Variants in LINGO2 observed in about 807,000 individuals in gnomAD.
The protein encoded by LINGO2 is leucine-rich repeat and immunoglobulin-like domain-containing nogo receptor-interacting protein 2.
In LINGO2, 14 loss-of-function variants were observed where a neutral mutation model predicts 30.6. The observed-to-expected ratio is 0.46, with a 90% CI of 0.30 to 0.72. LINGO2 has a LOEUF of 0.72. LINGO2 is among the 30% of genes least tolerant of loss of function. The probability of loss-of-function intolerance (pLI) is 0.07; values close to 1 mark genes in which losing one functional copy is unlikely to be tolerated. For synonymous variants in LINGO2, 317 were observed against 288.5 expected (o/e 1.10, Z -1.00); for missense variants, 729 against 751.7 (o/e 0.97, Z 0.35).
the LINGO2 span, among the ~76,000 whole-genome samples, chr9:28,976,881 A>T: frequency 2.0e-5 from 3 of 152,146 alleles, no homozygotes; most frequent in Non-Finnish European, 4.4e-5. Flanking sequence ...CAGAATATAA[A>T]AATATCTGGT....
exon 6 of LINGO2, chr9:27,949,751 G>A (rs1323256513): frequency 1.2e-6 from 2 of 1,614,152 alleles, no homozygotes; most frequent in Non-Finnish European, 1.7e-6. Context: ...TGCGAAGCTG[G>A]GCCCCCACTA....
the LINGO2 span, among the ~76,000 whole-genome samples, chr9:29,204,607 T>A: frequency 2.8e-4 from 42 of 152,322 alleles, no homozygotes; most frequent in African/African-American, 9.6e-4. Context: ...TATTGGAGAT[T>A]TTCTCATGAT....
chr9:28,848,072 A>ATACTATATATATAC, the LINGO2 span, among the ~76,000 whole-genome samples: 1 of 47,902 alleles, frequency 2.1e-5, no homozygotes, highest in Non-Finnish European at 3.6e-5. Context: ...TGTATATAAT[A>ATACTATATATATAC]TATATATACA....
chr9:28,742,778 C>A, the LINGO2 span, among the ~76,000 whole-genome samples: 1 of 151,688 alleles, frequency 6.6e-6, no homozygotes, highest in Admixed American at 6.6e-5. Flanking sequence ...TTAGTTTATA[C>A]CTGTGGATTT....
At chr9:28,383,177 T>A (rs1821421640) in intron 2 of LINGO2, among the ~76,000 whole-genome samples, 1 of 151,884 alleles carries the variant, frequency 6.6e-6, no homozygotes, top group Non-Finnish European at 1.5e-5. Flanking sequence ...CCTCCATGGG[T>A]GACTTCTGCC....
the LINGO2 span, among the ~76,000 whole-genome samples, chr9:28,820,438 A>G: frequency 3.3e-5 from 5 of 152,202 alleles, no homozygotes; most frequent in Non-Finnish European, 1.5e-5. Flanking sequence ...TGCAAGCAGT[A>G]TAACAGCTTT....
chr9:28,020,377 A>C (rs749720032), intron 4 of LINGO2, among the ~76,000 whole-genome samples: 1 of 152,060 alleles, frequency 6.6e-6, no homozygotes, highest in African/African-American at 2.4e-5. Context: ...AACAATACAA[A>C]AACTAGCCAG....
the LINGO2 span, among the ~76,000 whole-genome samples, chr9:29,071,753 C>T: frequency 6.6e-6 from 1 of 151,758 alleles, no homozygotes; most frequent in South Asian, 2.1e-4. Context: ...CAGTGCTTTC[C>T]ATAACACTAG....
intron 5 of LINGO2, among the ~76,000 whole-genome samples, chr9:27,990,470 C>A (rs74306512): frequency 2.0e-5 from 3 of 146,832 alleles, no homozygotes; most frequent in African/African-American, 7.4e-5. Context: ...ATACCCCCCC[C>A]CCTTTTATTT....
At chr9:28,333,127 A>C (rs1236534271) in intron 3 of LINGO2, among the ~76,000 whole-genome samples, 1 of 152,224 alleles carries the variant, frequency 6.6e-6, no homozygotes, top group African/African-American at 2.4e-5. Context: ...TCACACTAGA[A>C]GCTTTCTAAC....
intron 1 of LINGO2, among the ~76,000 whole-genome samples, chr9:28,552,983 T>C (rs1822390804): frequency 6.6e-6 from 1 of 152,034 alleles, no homozygotes; most frequent in Non-Finnish European, 1.5e-5. Context: ...TTTCTTTTGG[T>C]GAAAACTTTT....
intron 4 of LINGO2, among the ~76,000 whole-genome samples, chr9:28,245,144 G>C (rs1338027587): frequency 1.3e-5 from 2 of 152,154 alleles, no homozygotes; most frequent in African/African-American, 4.8e-5. Context: ...TGCAAGACTG[G>C]TTCAACATAA....
the LINGO2 span, among the ~76,000 whole-genome samples, chr9:29,063,592 G>A: frequency 4.0e-5 from 6 of 151,754 alleles, no homozygotes; most frequent in Non-Finnish European, 8.8e-5. Context: ...AGAGATGGGG[G>A]TTTCACCATA....
At chr9:28,988,534 C>A in the LINGO2 span, among the ~76,000 whole-genome samples, 1 of 152,112 alleles carries the variant, frequency 6.6e-6, no homozygotes, top group Non-Finnish European at 1.5e-5. Flanking sequence ...ACACTCACAG[C>A]AATTACTGAT....
the LINGO2 span, among the ~76,000 whole-genome samples, chr9:29,066,166 A>C: frequency 2.0e-5 from 3 of 151,878 alleles, no homozygotes; most frequent in Non-Finnish European, 4.4e-5. Context: ...TTGGATTGCT[A>C]TATTTCTTAA....
the LINGO2 span, among the ~76,000 whole-genome samples, chr9:29,140,486 TA>T: frequency 6.6e-6 from 1 of 151,712 alleles, no homozygotes; most frequent in Non-Finnish European, 1.5e-5. Flanking sequence ...TGAAGTTATT[TA>T]AAGGAGCAAA....
the LINGO2 span, among the ~76,000 whole-genome samples, chr9:29,152,431 T>C: frequency 6.6e-6 from 1 of 152,186 alleles, no homozygotes; most frequent in Non-Finnish European, 1.5e-5. Flanking sequence ...AACAGTGGAC[T>C]GCATAAGGAA....
chr9:28,620,464 C>A (rs1474242634), intron 1 of LINGO2, among the ~76,000 whole-genome samples: 1 of 152,014 alleles, frequency 6.6e-6, no homozygotes, highest in Non-Finnish European at 1.5e-5. Context: ...AGATCTAATA[C>A]ATAAGACACA....
chr9:28,494,052 T>C (rs1819485431), intron 1 of LINGO2, among the ~76,000 whole-genome samples: 1 of 152,158 alleles, frequency 6.6e-6, no homozygotes, highest in Admixed American at 6.5e-5. Flanking sequence ...GTTCTGTCCC[T>C]CTAGAGAACC....
Sources: gnomAD v4.1 joint callset for allele counts (sites outside exome capture counted in the v4.1 genomes callset) on GRCh38, gnomAD v4.1.1 for gene constraint, MANE v1.5 for transcripts, NCBI Gene and HGNC (gene_info 2026-07-23, HGNC 2026-07-21) for gene names.